DMD: variants seen among roughly 807,000 people sequenced by gnomAD.
DMD encodes dystrophin, also known as mutant dystrophin.
A neutral mutation model predicts 330.1 loss-of-function variants in DMD; 63 were observed. The ratio of observed to expected loss-of-function variants is 0.19; its 90% CI spans 0.16 to 0.24. The LOEUF (loss-of-function observed/expected upper bound fraction) is 0.24. Ranked by LOEUF, DMD falls within the 10% of genes least tolerant of loss-of-function variation. The pLI is 1.00. For missense variants in DMD, 3,344 were observed against 2,684.1 expected (o/e 1.25, Z -5.43); for synonymous variants, 1,223 against 959.8 (o/e 1.27, Z -5.07).
At chrX:33,081,004 ACAC>A (rs200989359) in intron 1 of DMD, among the ~76,000 whole-genome samples, 3,873 of 102,592 alleles carry the variant, frequency 0.038, 56 homozygotes, top group African/African-American at 0.064. Context: ...ACACACACAC[ACAC>A]AAAAACACAT....
chrX:31,380,380 C>T (rs1280482937), intron 60 of DMD, among the ~76,000 whole-genome samples: 3 of 109,620 alleles, frequency 2.7e-5, no homozygotes, highest in Non-Finnish European at 5.7e-5. Flanking sequence ...TTGTATCTCC[C>T]CACCTTAACC....
chrX:33,240,463 A>T (rs949621967), intron 1 of DMD, among the ~76,000 whole-genome samples: 4 of 111,641 alleles, frequency 3.6e-5, no homozygotes, highest in African/African-American at 1.3e-4. Context: ...TTCATTCACC[A>T]GTTGATGGAC....
At chrX:32,345,848 A>G in intron 39 of DMD, 95 bp downstream of exon 39, 1 of 876,608 alleles carries the variant, frequency 1.1e-6, no homozygotes, top group Non-Finnish European at 1.5e-6. Context: ...CTGATGACTA[A>G]GTCTGAAGCA....
chrX:33,214,793 A>G (rs767798910), upstream of DMD, among the ~76,000 whole-genome samples: 1 of 111,490 alleles, frequency 9.0e-6, no homozygotes, highest in South Asian at 3.8e-4. Context: ...AGCTGGGTCT[A>G]CAGGTGAATG....
At chrX:33,099,404 T>C (rs1404548441) in intron 1 of DMD, among the ~76,000 whole-genome samples, 1 of 111,106 alleles carries the variant, frequency 9.0e-6, no homozygotes, top group Non-Finnish European at 1.9e-5. Context: ...GCCACCTGCA[T>C]CACAGTATTC....
intron 11 of DMD, among the ~76,000 whole-genome samples, chrX:32,632,162 G>C (rs1419494980): frequency 8.9e-6 from 1 of 112,125 alleles, no homozygotes; most frequent in Non-Finnish European, 1.9e-5. Flanking sequence ...AAGGTCTCAT[G>C]CAAGTCTGAA....
chrX:32,559,792 T>C (rs2050781372), intron 16 of DMD, among the ~76,000 whole-genome samples: 1 of 112,092 alleles, frequency 8.9e-6, no homozygotes, highest in African/African-American at 3.2e-5. Context: ...TACTATTTGA[T>C]AGGAGTTTTA....
At chrX:33,294,973 C>T (rs1265177653) in intron 1 of DMD, among the ~76,000 whole-genome samples, 1 of 110,395 alleles carries the variant, frequency 9.1e-6, no homozygotes, top group African/African-American at 3.3e-5. Context: ...ATGAAAACAA[C>T]CAGAAAAGAG....
chrX:32,260,148 T>G (rs1450868756), intron 43 of DMD, among the ~76,000 whole-genome samples: 1 of 111,097 alleles, frequency 9.0e-6, no homozygotes, highest in Non-Finnish European at 1.9e-5. Context: ...AGTGGGAAAG[T>G]GTAGGAAGTG....
intron 1 of DMD, among the ~76,000 whole-genome samples, chrX:33,129,325 CTTTTTTTTTTTTTTTT>C (rs58505662): frequency 9.1e-4 from 28 of 30,720 alleles, no homozygotes; most frequent in African/African-American, 1.3e-3. Flanking sequence ...TTAAGGTTTG[CTTTTTTTTTTTTTTTT>C]TTTTTTTTTT....
intron 12 of DMD, 44 bp downstream of exon 12, chrX:32,614,259 A>G (rs2149349167): frequency 1.7e-6 from 2 of 1,184,062 alleles, no homozygotes; most frequent in South Asian, 1.8e-5. Context: ...CTATACACAG[A>G]GTTTGCTTTC....
At chrX:31,628,136 T>C (rs1280371254) in intron 54 of DMD, among the ~76,000 whole-genome samples, 1 of 111,739 alleles carries the variant, frequency 8.9e-6, no homozygotes, top group East Asian at 2.8e-4. Context: ...GGAGGTTTCA[T>C]ATATATATGT....
At chrX:32,957,124 G>T (rs980090042) in intron 2 of DMD, among the ~76,000 whole-genome samples, 1 of 111,238 alleles carries the variant, frequency 9.0e-6, no homozygotes, top group African/African-American at 3.3e-5. Flanking sequence ...TTGGTCTGAT[G>T]AACTTACTTT....
At chrX:31,820,516 C>A (rs192191062) in intron 49 of DMD, among the ~76,000 whole-genome samples, 1 of 111,987 alleles carries the variant, frequency 8.9e-6, no homozygotes, top group East Asian at 2.8e-4. Context: ...CTGCAGTGGA[C>A]ACGGGAATAT....
intron 51 of DMD, among the ~76,000 whole-genome samples, chrX:31,737,710 TA>T (rs34800443): frequency 0.2 from 22,036 of 110,114 alleles, 1,748 homozygotes; most frequent in East Asian, 0.46. Flanking sequence ...AGCAACAGTA[TA>T]AAAAAAATAA....
chrX:32,316,725 T>A (rs1482838721), intron 41 of DMD, among the ~76,000 whole-genome samples: 1 of 111,491 alleles, frequency 9.0e-6, no homozygotes, highest in Non-Finnish European at 1.9e-5. Flanking sequence ...ATGTTTAATA[T>A]ATAGACTTTT....
chrX:31,656,171 C>T (rs1405984515), intron 54 of DMD, among the ~76,000 whole-genome samples: 1 of 112,015 alleles, frequency 8.9e-6, no homozygotes, highest in Non-Finnish European at 1.9e-5. Flanking sequence ...TCAGAAGTAG[C>T]TTGGTGAATT....
intron 50 of DMD, among the ~76,000 whole-genome samples, chrX:31,806,507 T>C (rs946526948): frequency 8.9e-6 from 1 of 112,835 alleles, no homozygotes; most frequent in Non-Finnish European, 1.9e-5. Context: ...TTCTTCACTC[T>C]AGGGTTCACT....
rs747382806 is a variant in DMD, at chrX:31,177,942, C to T, written c.10252G>A (p.Val3418Ile). 2 of 1,207,935 alleles carry T rather than the reference C, an allele frequency of 1.7e-6. No homozygotes were observed. The highest frequency in any genetic ancestry group is 2.2e-6 in the Non-Finnish European group (2 of 892,971). ...AAAAAAAGTACTCACGCAGAATCTA[C>T]TGGCCAGAAGTTGATCAGAGTAACG... ...TPVTLINFWPVDSAPASSPQL... is the reference protein window; with the variant it reads ...TPVTLINFWPIDSAPASSPQL... The change falls in exon 71 of 79, where the codon GTA becomes ATA. Residue 3418 changes from valine to isoleucine, a missense_variant. Transcript: ENST00000357033.
Sources: allele counts gnomAD v4.1 joint callset (sites outside exome capture counted in the v4.1 genomes callset), GRCh38; gene constraint gnomAD v4.1.1; transcripts MANE v1.5; gene names NCBI Gene and HGNC (gene_info 2026-07-23, HGNC 2026-07-21).